The following SLC25A12 variants were observed in gnomAD, a reference collection of about 807,000 sequenced individuals.
The protein encoded by SLC25A12 is solute carrier family 25 member 12, also known as electrogenic aspartate/glutamate antiporter SLC25A12, mitochondrial.
Under a neutral mutation model 83.3 loss-of-function variants are expected in SLC25A12, and 32 were observed. That is an observed-to-expected ratio of 0.38 (90% CI 0.29 to 0.52). The LOEUF (loss-of-function observed/expected upper bound fraction) is 0.52, where lower values mean the gene tolerates loss of function less well. Ranked by LOEUF, SLC25A12 falls within the 20% of genes least tolerant of loss-of-function variation. SLC25A12 has a pLI of 0.84. For missense variants in SLC25A12, 611 were observed against 835.6 expected, an observed-to-expected ratio of 0.73 and a Z score of 3.31; for synonymous variants, 267 against 291.1, an observed-to-expected ratio of 0.92 and a Z score of 0.84.
chr2:171,860,339 G>A (rs1333523490), intron 3 of SLC25A12, among the ~76,000 whole-genome samples: 2 of 152,024 alleles, frequency 1.3e-5, no homozygotes, highest in Non-Finnish European at 1.5e-5. Context: ...CCAGCACTTC[G>A]GGAGGCTGAG....
chr2:171,836,960 GCACACA>G lies in SLC25A12; in HGVS notation c.612+155_612+160del, dbSNP rs3836020. Among the ~76,000 whole-genome samples, 937 of 146,528 alleles carry G rather than the reference GCACACA, an allele frequency of 6.4e-3. 12 individuals carry two copies. Among genetic ancestry groups the G allele is most frequent in the African/African-American group, 0.022 (879 of 39,776 alleles). On this transcript the variant is annotated intron_variant, in intron 6 of 17. Transcript: ENST00000422440. ...TACATTCACGTACACACACACACAT[GCACACA>G]CACACACACACACACACAAACCTGT...
chr2:171,831,809 G>A (rs1354208675), intron 8 of SLC25A12, among the ~76,000 whole-genome samples: 1 of 151,756 alleles, frequency 6.6e-6, no homozygotes, highest in Non-Finnish European at 1.5e-5. Flanking sequence ...TGAGGCACAA[G>A]AATCGCTTGA....
At position 171,894,230 on chromosome 2, in the gene SLC25A12, CG is replaced by C. The variant is rs1355759361; in HGVS notation, c.-17del. On this transcript the variant is annotated 5_prime_UTR_variant, in exon 1 of 18. Coordinates refer to ENST00000422440, the MANE Select transcript of SLC25A12 (RefSeq NM_003705.5). The stretch of plus-strand genomic sequence containing the variant: ...TGACCGCCATGCTGTGCTCGGAAGC[CG>C]GGGACGAGCGAGTGAGCGAGCAGGG... 6.2e-7 allele frequency: 1 copy of C among 1,608,142 alleles called. No homozygotes were observed. The highest frequency in any genetic ancestry group is 1.7e-5 in the Admixed American group (1 of 59,404).
rs117233194 is a variant in SLC25A12, at chr2:171,807,029, C to A, written c.1305+2577G>T. Among the ~76,000 whole-genome samples the A allele has an allele frequency of 1.3e-3, 203 of 152,296 alleles. 3 individuals are homozygous for A. In the East Asian group the frequency reaches 0.036, roughly 27 times the overall value. On this transcript the variant is annotated intron_variant, in intron 13 of 17. Transcript: ENST00000422440. ...GACTCATTCTTTTTAAGACTTTATTCTCTGTTGAAATTTATAGACTTTGGG... is the reference window on the plus strand; with the variant it reads ...GACTCATTCTTTTTAAGACTTTATTATCTGTTGAAATTTATAGACTTTGGG...
Position 171,785,232 on chromosome 2 carries a change from T to C in SLC25A12, c.*42A>G. The stretch of plus-strand genomic sequence containing the variant: ...TTACAGGGCTGCTCTCCTAGGCCTC[T>C]TTCTTCAAGGCGCCATTTTGCCACA... On this transcript the variant is annotated 3_prime_UTR_variant, in exon 18 of 18. Transcript: ENST00000422440. 4 of 1,601,076 alleles carry C rather than the reference T, an allele frequency of 2.5e-6. No homozygotes were observed. The highest frequency in any genetic ancestry group is 3.4e-6 in the Non-Finnish European group (4 of 1,168,516).
At chr2:171,846,363 A>G (rs1684798255) in intron 4 of SLC25A12, among the ~76,000 whole-genome samples, 1 of 152,120 alleles carries the variant, frequency 6.6e-6, no homozygotes, top group Non-Finnish European at 1.5e-5. Flanking sequence ...ATAAATGTAT[A>G]TATTACTACC....
chr2:171,813,273 T>C (rs112173044), intron 11 of SLC25A12, 66 bp downstream of exon 11: 4 of 1,549,250 alleles, frequency 2.6e-6, no homozygotes, highest in Admixed American at 3.3e-5. Context: ...CCATAATTAG[T>C]GAGTTAAAAT....
intron 13 of SLC25A12, among the ~76,000 whole-genome samples, chr2:171,804,933 G>A (rs1683791534): frequency 6.6e-6 from 1 of 152,194 alleles, no homozygotes. Flanking sequence ...ATTGAGAAGT[G>A]ATAGCTAAAA....
chr2:171,835,277 A>G (rs1015938544), intron 6 of SLC25A12, among the ~76,000 whole-genome samples: 3 of 152,346 alleles, frequency 2.0e-5, no homozygotes, highest in Admixed American at 6.5e-5. Flanking sequence ...TCCTTCACAC[A>G]CATACACAAA....
chr2:171,788,026 C>A, intron 15 of SLC25A12, 79 bp from the exon 16 acceptor site: 1 of 1,445,168 alleles, frequency 6.9e-7, no homozygotes. Flanking sequence ...TACTATAGAG[C>A]CTGCAACTTC....
At chr2:171,879,770 C>T (rs956426716) in intron 2 of SLC25A12, among the ~76,000 whole-genome samples, 8 of 152,080 alleles carry the variant, frequency 5.3e-5, no homozygotes, top group Non-Finnish European at 1.0e-4. Context: ...GGATGGAATG[C>T]CTTAATGTTG....
chr2:171,875,085 A>C (rs536621085), intron 2 of SLC25A12, among the ~76,000 whole-genome samples: 3 of 152,278 alleles, frequency 2.0e-5, no homozygotes, highest in East Asian at 1.9e-4. Context: ...TGCTTTCCGC[A>C]ACCAATCAGA....
intron 5 of SLC25A12, among the ~76,000 whole-genome samples, chr2:171,837,514 GA>G (rs1171907745): frequency 6.6e-6 from 1 of 152,114 alleles, no homozygotes; most frequent in Non-Finnish European, 1.5e-5. Flanking sequence ...GGAAAGGTAG[GA>G]AAAAATAACC....
intron 9 of SLC25A12, among the ~76,000 whole-genome samples, chr2:171,817,365 G>A (rs1293573364): frequency 2.6e-5 from 4 of 151,994 alleles, no homozygotes; most frequent in Non-Finnish European, 5.9e-5. Context: ...ATTTTGGGAG[G>A]CCAAGGTGGG....
Position 171,791,457 on chromosome 2 carries a change from T to C in SLC25A12, c.1579A>G (p.Met527Val). The C allele has an allele frequency of 3.7e-6, 6 of 1,614,108 alleles. No individual in the cohort carries two copies. The highest frequency in any genetic ancestry group is 5.1e-6 in the Non-Finnish European group (6 of 1,179,944). The part of the protein sequence containing the change: ...GGLNLLAAGA[M>V]AGVPAASLVT... ...AAAAAAAATTTGTAGTTACCTGCCA[T>C]GGCTCCAGCTGCAAGAAGATTTAAA... Residue 527 changes from methionine to valine, a missense_variant, in exon 15 of 18, where the codon ATG becomes GTG. Around this residue, in one of 3 missense-constraint regions of SLC25A12, gnomAD observed 540 missense variants for 777.5 expected, o/e 0.69. Transcript: ENST00000422440.
intron 11 of SLC25A12, 45 bp downstream of exon 11, chr2:171,813,294 T>C (rs768240458): frequency 6.2e-7 from 1 of 1,607,394 alleles, no homozygotes; most frequent in South Asian, 1.1e-5. Context: ...CTGCTGCTGG[T>C]GAGATCAAAT....
At chr2:171,831,403 G>A (rs1250367702) in intron 8 of SLC25A12, among the ~76,000 whole-genome samples, 1 of 152,198 alleles carries the variant, frequency 6.6e-6, no homozygotes, top group Non-Finnish European at 1.5e-5. Context: ...GTAGGAAAGA[G>A]AGATATAAAG....
rs536159078 is a variant in SLC25A12 at position 171,815,293 on chromosome 2, A to G, written c.931-91T>C. On this transcript the variant is annotated intron_variant, in intron 9 of 17. Transcript: ENST00000422440. ...TTTGACTATTTTAAGACAAGAAAAAACAAAACCTAAAAGTGATATTGTTAA... is the reference window on the plus strand; with the variant it reads ...TTTGACTATTTTAAGACAAGAAAAAGCAAAACCTAAAAGTGATATTGTTAA... The G allele has an allele frequency of 3.4e-5, 30 of 891,372 alleles. No individual in the cohort carries two copies. In the East Asian group the frequency reaches 6.7e-4, roughly 20 times the overall value. The allele number at this position is 891,372 out of a possible 1,614,324, so 55.2% of individuals were successfully genotyped here. A position where few individuals can be genotyped will look rare whatever the true frequency, so the allele number is the denominator to read the frequency against.
intron 13 of SLC25A12, among the ~76,000 whole-genome samples, chr2:171,795,082 A>G (rs1243545685): frequency 6.6e-6 from 1 of 152,124 alleles, no homozygotes. Flanking sequence ...ACTCCTTTCA[A>G]TATTCAAAAT....
Sources: gnomAD v4.1 joint callset for allele counts (sites outside exome capture counted in the v4.1 genomes callset) on GRCh38, gnomAD v4.1.1 for gene constraint, gnomAD v4.1.1 regional missense constraint, MANE v1.5 for transcripts, NCBI Gene and HGNC (gene_info 2026-07-23, HGNC 2026-07-21) for gene names.